The following WWOX variants were observed in gnomAD, a reference collection of about 807,000 sequenced individuals.
WWOX encodes WW domain-containing oxidoreductase.
In WWOX, 69 loss-of-function variants were observed where a neutral mutation model predicts 46.2. The ratio of observed to expected loss-of-function variants is 1.49; its 90% CI spans 1.23 to 1.82. The LOEUF is 1.82. WWOX is among the 40% of genes most tolerant of loss of function. The pLI is 0.00. For missense variants in WWOX, 919 were observed against 542.6 expected (o/e 1.69, Z -6.89); for synonymous variants, 359 against 202.6 (o/e 1.77, Z -6.56).
intron 8 of WWOX, among the ~76,000 whole-genome samples, chr16:78,682,034 G>A (rs1351551063): frequency 6.6e-6 from 1 of 152,182 alleles, no homozygotes; most frequent in Non-Finnish European, 1.5e-5. Flanking sequence ...TTTGTAAAGA[G>A]TTGTTCTCCA....
At chr16:79,050,871 C>G (rs2048153446) in intron 8 of WWOX, among the ~76,000 whole-genome samples, 1 of 152,174 alleles carries the variant, frequency 6.6e-6, no homozygotes, top group South Asian at 2.1e-4. Flanking sequence ...ACCAGGTGAG[C>G]TGACAGTTAT....
chr16:79,113,335 G>C (rs776233870), intron 8 of WWOX, among the ~76,000 whole-genome samples: 1 of 152,138 alleles, frequency 6.6e-6, no homozygotes. Context: ...GGAACATGCC[G>C]TCTCTGAGTT....
At chr16:78,324,711 C>T (rs193208062) in intron 5 of WWOX, among the ~76,000 whole-genome samples, 144 of 136,352 alleles carry the variant, frequency 1.1e-3, no homozygotes, top group Admixed American at 1.9e-3. Flanking sequence ...GGTGAGATTC[C>T]GTTCTGTGAT....
chr16:78,889,506 A>G (rs1228179802), intron 8 of WWOX, among the ~76,000 whole-genome samples: 3 of 151,966 alleles, frequency 2.0e-5, no homozygotes, highest in Non-Finnish European at 4.4e-5. Flanking sequence ...GCAGCTTCAA[A>G]TATAATGTAT....
Position 78,750,236 on chromosome 16 carries a change from G to A in WWOX, c.1056+317484G>A, listed in dbSNP as rs538556468. On this transcript the variant is annotated intron_variant, in intron 8 of 8. Transcript: ENST00000566780. ...AAACCCACTGCCCAGGTCAGCTGGTGGGTGATCTCCACTGAACTCCTATTC... is the reference window on the plus strand; with the variant it reads ...AAACCCACTGCCCAGGTCAGCTGGTAGGTGATCTCCACTGAACTCCTATTC... 2.3e-3 allele frequency among the ~76,000 whole-genome samples: 350 copies of A among 152,276 alleles called. 2 individuals are homozygous for A. Among genetic ancestry groups the A allele is most frequent in the African/African-American group, 7.9e-3 (329 of 41,550 alleles).
rs1567563405 is a variant in WWOX, at chr16:78,422,734, C to CGCACATATATAT, written c.606-2136_606-2135insGCACATATATAT. On this transcript the variant is annotated intron_variant, in intron 6 of 8. Transcript: ENST00000566780. ...ATACACACACACATATATATATACA[C>CGCACATATATAT]ACACATATATATACACATATATACA... Among the ~76,000 whole-genome samples the CGCACATATATAT allele has an allele frequency of 5.0e-4, 43 of 86,020 alleles. 2 individuals are homozygous for CGCACATATATAT. Among genetic ancestry groups the CGCACATATATAT allele is most frequent in the African/African-American group, 3.8e-3 (38 of 10,064 alleles). 56.4% of individuals were successfully genotyped at this position (86,020 alleles called of 152,430 possible). A position where few individuals can be genotyped will look rare whatever the true frequency, so the allele number is the denominator to read the frequency against.
chr16:78,284,959 T>C (rs2079742502), intron 5 of WWOX, among the ~76,000 whole-genome samples: 1 of 152,234 alleles, frequency 6.6e-6, no homozygotes, highest in Non-Finnish European at 1.5e-5. Context: ...TCTCCTCTGC[T>C]GTCTATTTAG....
intron 8 of WWOX, among the ~76,000 whole-genome samples, chr16:79,198,767 T>C (rs557770536): frequency 6.6e-5 from 10 of 152,298 alleles, no homozygotes; most frequent in Admixed American, 6.5e-4. Context: ...ACCATATTAT[T>C]ATAAATATTG....
At chr16:78,540,025 C>CAG (rs1178132024) in intron 8 of WWOX, among the ~76,000 whole-genome samples, 6 of 150,332 alleles carry the variant, frequency 4.0e-5, no homozygotes, top group African/African-American at 7.4e-5. Flanking sequence ...CTCTCTCACA[C>CAG]ACACACACAC....
At chr16:78,763,947 A>G (rs986715618) in intron 8 of WWOX, among the ~76,000 whole-genome samples, 4 of 152,170 alleles carry the variant, frequency 2.6e-5, no homozygotes, top group Admixed American at 6.5e-5. Context: ...GAGCTGAAGA[A>G]GCCCCACTCT....
intron 8 of WWOX, among the ~76,000 whole-genome samples, chr16:78,804,913 C>T (rs1322785957): frequency 6.6e-6 from 1 of 152,190 alleles, no homozygotes; most frequent in Non-Finnish European, 1.5e-5. Context: ...AAATTTCCTC[C>T]AAACTAACAA....
At chr16:79,125,403 A>G (rs1038056627) in intron 8 of WWOX, among the ~76,000 whole-genome samples, 5 of 152,220 alleles carry the variant, frequency 3.3e-5, no homozygotes, top group South Asian at 2.1e-4. Context: ...GATGTGCAAA[A>G]TAAGCCTTTG....
chr16:78,145,611 A>C (rs1223074809), intron 4 of WWOX, among the ~76,000 whole-genome samples: 1 of 152,160 alleles, frequency 6.6e-6, no homozygotes, highest in African/African-American at 2.4e-5. Flanking sequence ...GCTGACTTAA[A>C]TGTTAACCTC....
chr16:78,296,299 C>T (rs2079942938), intron 5 of WWOX, among the ~76,000 whole-genome samples: 2 of 151,536 alleles, frequency 1.3e-5, no homozygotes, highest in Admixed American at 1.3e-4. Context: ...TACTTTTTTA[C>T]ATTAAAAAAA....
chr16:78,250,771 C>G (rs554343664), intron 5 of WWOX, among the ~76,000 whole-genome samples: 1 of 152,126 alleles, frequency 6.6e-6, no homozygotes, highest in Non-Finnish European at 1.5e-5. Flanking sequence ...TCCCTACAGT[C>G]CAGTGGTGGC....
intron 8 of WWOX, among the ~76,000 whole-genome samples, chr16:78,914,711 C>T (rs759423475): frequency 6.6e-6 from 1 of 151,016 alleles, no homozygotes. Flanking sequence ...AACCCCGTCT[C>T]TACTAAAAAT....
chr16:78,869,392 T>G (rs534156101), intron 8 of WWOX, among the ~76,000 whole-genome samples: 9 of 152,320 alleles, frequency 5.9e-5, no homozygotes, highest in African/African-American at 1.9e-4. Flanking sequence ...AAAATGGTTT[T>G]TATGGATTCT....
intron 8 of WWOX, among the ~76,000 whole-genome samples, chr16:78,946,549 C>T (rs561897405): frequency 2.9e-4 from 44 of 152,206 alleles, no homozygotes; most frequent in Admixed American, 7.2e-4. Flanking sequence ...ATGACCAAAC[C>T]AGTCTTTCCG....
intron 8 of WWOX, among the ~76,000 whole-genome samples, chr16:78,716,722 G>C (rs959851531): frequency 6.6e-6 from 1 of 151,922 alleles, no homozygotes; most frequent in African/African-American, 2.4e-5. Flanking sequence ...TTTCTTAGAG[G>C]TGTGGAACAG....
Sources: gnomAD v4.1 joint callset for allele counts (sites outside exome capture counted in the v4.1 genomes callset) on GRCh38, gnomAD v4.1.1 for gene constraint, MANE v1.5 for transcripts, NCBI Gene and HGNC (gene_info 2026-07-23, HGNC 2026-07-21) for gene names.